The following AFG2A variants were observed in gnomAD, a reference collection of about 807,000 sequenced individuals.
AFG2A encodes the protein ATPase family gene 2 protein homolog A.
the AFG2A span, among the ~76,000 whole-genome samples, chr4:123,191,725 G>A: frequency 6.6e-6 from 1 of 151,694 alleles, no homozygotes; most frequent in South Asian, 2.1e-4. Context: ...TTATTTTGTG[G>A]CCTCCCTATA....
At chr4:123,079,745 CTT>C in the AFG2A span, among the ~76,000 whole-genome samples, 1 of 72,654 alleles carries the variant, frequency 1.4e-5, no homozygotes, top group African/African-American at 5.8e-5. Context: ...TCTTTTCCTT[CTT>C]TTTTTTTTTT....
chr4:123,155,699 G>A, the AFG2A span, among the ~76,000 whole-genome samples: 2 of 152,138 alleles, frequency 1.3e-5, no homozygotes, highest in Non-Finnish European at 2.9e-5. Flanking sequence ...TATACAAGAG[G>A]ATGTGCGTAG....
chr4:123,243,869 A>T, the AFG2A span, among the ~76,000 whole-genome samples: 17 of 151,890 alleles, frequency 1.1e-4, no homozygotes, highest in African/African-American at 3.6e-4. Flanking sequence ...ATAAAATTTA[A>T]ATGTTAGCCA....
chr4:123,129,210 T>C, the AFG2A span, among the ~76,000 whole-genome samples: 1 of 152,218 alleles, frequency 6.6e-6, no homozygotes, highest in Non-Finnish European at 1.5e-5. Context: ...TATGGTAGTT[T>C]CATGGTATCA....
chr4:123,181,755 G>A, the AFG2A span, among the ~76,000 whole-genome samples: 575 of 152,248 alleles, frequency 3.8e-3, 2 homozygotes, highest in Non-Finnish European at 6.7e-3. Context: ...TGTGTGCTTT[G>A]GGGTAGTTTG....
chr4:123,084,590 A>ATATG, the AFG2A span, among the ~76,000 whole-genome samples: 214 of 143,300 alleles, frequency 1.5e-3, 1 homozygote, highest in East Asian at 0.013. Flanking sequence ...GTATATATAT[A>ATATG]TGTGTGTGTG....
the AFG2A span, among the ~76,000 whole-genome samples, chr4:122,984,982 G>A: frequency 9.2e-5 from 14 of 152,066 alleles, no homozygotes; most frequent in Non-Finnish European, 7.4e-5. Context: ...AATGACTTAG[G>A]GAGGGTTCCT....
At chr4:122,967,169 A>G in the AFG2A span, among the ~76,000 whole-genome samples, 1 of 152,190 alleles carries the variant, frequency 6.6e-6, no homozygotes, top group African/African-American at 2.4e-5. Context: ...TTGGGAGGCC[A>G]GGCCAGGAGA....
the AFG2A span, among the ~76,000 whole-genome samples, chr4:123,254,237 T>C: frequency 2.6e-5 from 4 of 152,188 alleles, no homozygotes; most frequent in Admixed American, 2.6e-4. Flanking sequence ...ATGTTTTTCT[T>C]TTATACTTCT....
chr4:122,942,913 A>C, the AFG2A span, among the ~76,000 whole-genome samples: 1 of 151,650 alleles, frequency 6.6e-6, no homozygotes, highest in African/African-American at 2.4e-5. Flanking sequence ...ATTCAGGAGC[A>C]GGTTGTTCAG....
the AFG2A span, among the ~76,000 whole-genome samples, chr4:123,157,735 C>G: frequency 4.6e-5 from 7 of 152,170 alleles, no homozygotes; most frequent in Non-Finnish European, 1.0e-4. Context: ...CTTTCAATAT[C>G]ACAAAATGTG....
the AFG2A span, chr4:122,927,842 A>G: frequency 6.4e-7 from 1 of 1,552,222 alleles, no homozygotes; most frequent in Non-Finnish European, 8.7e-7. Context: ...AATGCTTTTG[A>G]GTGCCATGGT....
the AFG2A span, among the ~76,000 whole-genome samples, chr4:123,008,128 C>T: frequency 1.2e-4 from 19 of 152,182 alleles, no homozygotes; most frequent in Non-Finnish European, 2.2e-4. Context: ...GCAGGCTGTA[C>T]GAGAAGCATG....
the AFG2A span, among the ~76,000 whole-genome samples, chr4:123,229,079 TA>T: frequency 2.6e-5 from 4 of 151,742 alleles, no homozygotes; most frequent in Non-Finnish European, 5.9e-5. Context: ...AATGATATAT[TA>T]AAAAAAACCA....
the AFG2A span, among the ~76,000 whole-genome samples, chr4:123,015,329 CG>C: frequency 4.6e-5 from 7 of 151,534 alleles, no homozygotes; most frequent in Admixed American, 2.0e-4. Flanking sequence ...GAGGACCCTG[CG>C]GCCTTCCGCA....
the AFG2A span, among the ~76,000 whole-genome samples, chr4:123,094,840 A>G: frequency 1.3e-5 from 2 of 151,504 alleles, no homozygotes; most frequent in Non-Finnish European, 2.9e-5. Context: ...TTAATCACAC[A>G]CAAAACTCCC....
the AFG2A span, among the ~76,000 whole-genome samples, chr4:122,996,860 G>C: frequency 3.9e-5 from 6 of 152,114 alleles, no homozygotes; most frequent in Admixed American, 6.6e-5. Flanking sequence ...GGAGAACGTA[G>C]AGTCCCAATA....
chr4:123,233,009 A>G, the AFG2A span, among the ~76,000 whole-genome samples: 1 of 152,080 alleles, frequency 6.6e-6, no homozygotes, highest in Non-Finnish European at 1.5e-5. Context: ...AAGGAGTAAT[A>G]TTGAATATTC....
the AFG2A span, among the ~76,000 whole-genome samples, chr4:123,043,425 CT>C: frequency 1.3e-5 from 2 of 151,652 alleles, no homozygotes; most frequent in African/African-American, 4.8e-5. Flanking sequence ...TCTTCTTCCA[CT>C]TTTTTTTCCT....
Sources: allele counts gnomAD v4.1 joint callset (sites outside exome capture counted in the v4.1 genomes callset), GRCh38; gene constraint gnomAD v4.1.1; transcripts MANE v1.5; gene names NCBI Gene and HGNC (gene_info 2026-07-23, HGNC 2026-07-21).